Variants in IRAK2 observed in about 807,000 individuals in gnomAD.
IRAK2 encodes the protein interleukin 1 receptor associated kinase 2.
IRAK2 carries 57 observed loss-of-function variants against 72.0 expected under a neutral mutation model. That is an observed-to-expected ratio of 0.79 (90% CI 0.64 to 0.99). The LOEUF is 0.99. Ranked by LOEUF, IRAK2 falls within the 50% of genes least tolerant of loss-of-function variation. The pLI, the probability that IRAK2 is intolerant of heterozygous loss-of-function variation, is 0.00. For missense variants in IRAK2, 790 were observed against 794.4 expected (o/e 0.99, Z 0.07); for synonymous variants, 293 against 312.7 (o/e 0.94, Z 0.67).
Position 10,222,806 on chromosome 3 carries a change from G to A in IRAK2, c.1184G>A (p.Arg395Gln), listed in dbSNP as rs752961351. 25 of 1,614,074 alleles carry A rather than the reference G, an allele frequency of 1.5e-5. No individual in the cohort carries two copies. Among genetic ancestry groups the A allele is most frequent in the Admixed American group, 5.0e-5 (3 of 60,004 alleles). ...ATCCGGGTGGGGCAGCTGACAAAGCGAGTGGACATCTTCAGCTGTGGAATA... is the reference window on the plus strand; with the variant it reads ...ATCCGGGTGGGGCAGCTGACAAAGCAAGTGGACATCTTCAGCTGTGGAATA... ...DFIRVGQLTK[R>Q]VDIFSCGIVL... is the part of the protein sequence containing the mutation. Residue 395 changes from arginine to glutamine, a missense_variant, in exon 9 of 13, where the codon CGA becomes CAA. Arg to Gln is a conservative substitution (Grantham distance 43). Transcript: ENST00000256458.
At chr3:10,209,521 A>C (rs1350601882) in intron 3 of IRAK2, 68 bp from the exon 4 acceptor site, 2 of 1,024,958 alleles carry the variant, frequency 2.0e-6, no homozygotes, top group African/African-American at 1.7e-5. Flanking sequence ...TAGTCTGAGG[A>C]CTAGACCAGG....
At chr3:10,224,216 A>G (rs1403629147) in intron 9 of IRAK2, among the ~76,000 whole-genome samples, 1 of 152,106 alleles carries the variant, frequency 6.6e-6, no homozygotes, top group Non-Finnish European at 1.5e-5. Context: ...ATGTGCCTGT[A>G]ATCGCAGCTA....
At chr3:10,238,083 CT>C (rs1326232918) in intron 11 of IRAK2, among the ~76,000 whole-genome samples, 4 of 151,884 alleles carry the variant, frequency 2.6e-5, no homozygotes, top group Admixed American at 2.0e-4. Flanking sequence ...GTGTTAGGAA[CT>C]TAAACTCTTA....
intron 2 of IRAK2, among the ~76,000 whole-genome samples, chr3:10,185,598 G>GGC (rs1697063748): frequency 6.7e-6 from 1 of 150,350 alleles, no homozygotes; most frequent in African/African-American, 2.5e-5. Context: ...GCTCTGGCTG[G>GGC]GCGCGGTGGC....
intron 1 of IRAK2, among the ~76,000 whole-genome samples, chr3:10,175,431 T>C (rs1696858310): frequency 6.6e-6 from 1 of 152,056 alleles, no homozygotes; most frequent in African/African-American, 2.4e-5. Context: ...CCAGTCCCTG[T>C]GGTATAATGT....
chr3:10,209,991 G>A (rs1451513811), intron 4 of IRAK2, among the ~76,000 whole-genome samples: 1 of 152,008 alleles, frequency 6.6e-6, no homozygotes, highest in Non-Finnish European at 1.5e-5. Flanking sequence ...ACGATCTCGG[G>A]TCACTGCAAC....
rs758309915 is a variant in IRAK2 at position 10,164,990 on chromosome 3, G to A, written c.36G>A (p.Val12=). The A allele has an allele frequency of 7.4e-6, 12 of 1,611,792 alleles. No homozygotes were observed. In the Admixed American group the frequency reaches 1.0e-4, roughly 13 times the overall value. Residue 12 remains valine (V), a synonymous_variant, in exon 1 of 13, where the codon GTG becomes GTA. Coordinates refer to ENST00000256458, the MANE Select transcript of IRAK2 (RefSeq NM_001570.4). The part of the protein sequence containing the change: ...ACYIYQLPSW[V]LDDLCRNMDA... ...ACATCTACCAGCTGCCCTCCTGGGT[G>A]CTGGACGACCTGTGCCGCAACATGG...
chr3:10,238,597 T>A, intron 11 of IRAK2, 151 bp from the exon 12 acceptor site: 1 of 739,606 alleles, frequency 1.4e-6, no homozygotes, highest in South Asian at 1.8e-5. Flanking sequence ...ACAGGTCTTT[T>A]CAAAGGAAGG....
chr3:10,199,248 A>G (rs1298614872), intron 2 of IRAK2, among the ~76,000 whole-genome samples: 1 of 152,142 alleles, frequency 6.6e-6, no homozygotes, highest in Non-Finnish European at 1.5e-5. Context: ...GCTGAGGTTG[A>G]CACACCCTCG....
chr3:10,170,986 T>C (rs1696786134), intron 1 of IRAK2, among the ~76,000 whole-genome samples: 1 of 152,228 alleles, frequency 6.6e-6, no homozygotes, highest in African/African-American at 2.4e-5. Flanking sequence ...ATGGTGATAC[T>C]GGGAGAGTGT....
intron 2 of IRAK2, among the ~76,000 whole-genome samples, chr3:10,197,178 GACCAGCCTGGC>G (rs1020898562): frequency 2.0e-5 from 3 of 151,574 alleles, no homozygotes; most frequent in African/African-American, 7.3e-5. Flanking sequence ...AGGAGTTCAA[GACCAGCCTGGC>G]CAACATGGTG....
intron 3 of IRAK2, among the ~76,000 whole-genome samples, chr3:10,204,211 C>T (rs1697405144): frequency 6.6e-6 from 1 of 152,214 alleles, no homozygotes; most frequent in African/African-American, 2.4e-5. Flanking sequence ...ACCATTATTG[C>T]TCTTTTTACA....
intron 12 of IRAK2, among the ~76,000 whole-genome samples, chr3:10,240,558 CT>C (rs1194195097): frequency 1.7e-4 from 3 of 18,066 alleles, no homozygotes; most frequent in Admixed American, 1.1e-3. Context: ...CCCCCCCCGC[CT>C]TTTTTTTTTT....
At chr3:10,198,671 C>T (rs1697309496) in intron 2 of IRAK2, among the ~76,000 whole-genome samples, 1 of 152,060 alleles carries the variant, frequency 6.6e-6, no homozygotes, top group South Asian at 2.1e-4. Context: ...AAATTTAGGT[C>T]CTATTATTTT....
At chr3:10,189,227 C>T (rs1027443369) in intron 2 of IRAK2, among the ~76,000 whole-genome samples, 2 of 152,124 alleles carry the variant, frequency 1.3e-5, no homozygotes, top group Non-Finnish European at 2.9e-5. Context: ...AAACTTGAGC[C>T]TCCTCCGTAA....
intron 3 of IRAK2, among the ~76,000 whole-genome samples, chr3:10,202,420 A>G (rs946893288): frequency 2.0e-5 from 3 of 152,078 alleles, no homozygotes; most frequent in African/African-American, 7.2e-5. Context: ...TCAGGAGATC[A>G]ATACCATCCT....
At chr3:10,194,434 G>A (rs1261041660) in intron 2 of IRAK2, among the ~76,000 whole-genome samples, 1 of 152,218 alleles carries the variant, frequency 6.6e-6, no homozygotes, top group Non-Finnish European at 1.5e-5. Context: ...GTGATAAGAA[G>A]TCCGTGAGCA....
At chr3:10,179,909 T>C (rs1312598396) in intron 2 of IRAK2, among the ~76,000 whole-genome samples, 1 of 152,230 alleles carries the variant, frequency 6.6e-6, no homozygotes, top group East Asian at 1.9e-4. Context: ...CACTTAGATG[T>C]ATAGAGCCTG....
chr3:10,176,122 C>T (rs1044589119), intron 1 of IRAK2, among the ~76,000 whole-genome samples: 18 of 142,054 alleles, frequency 1.3e-4, no homozygotes, highest in Non-Finnish European at 2.4e-4. Context: ...GGTAAAACAC[C>T]AAAAGAAAGA....
Sources: gnomAD v4.1 joint callset for allele counts (sites outside exome capture counted in the v4.1 genomes callset) on GRCh38, gnomAD v4.1.1 for gene constraint, MANE v1.5 for transcripts, NCBI Gene and HGNC (gene_info 2026-07-23, HGNC 2026-07-21) for gene names.